GNMT: variants seen among roughly 807,000 people sequenced by gnomAD.
GNMT encodes the protein glycine N-methyltransferase.
GNMT carries 26 observed loss-of-function variants against 30.2 expected under a neutral mutation model. The observed-to-expected ratio is 0.86, with a 90% CI of 0.63 to 1.19. GNMT has a LOEUF of 1.19. Among genes scored for constraint, GNMT ranks in the 50% most tolerant of loss-of-function variants. The pLI is 0.00. For synonymous variants in GNMT, 163 were observed against 163.8 expected, an observed-to-expected ratio of 1.00 and a Z score of 0.04; for missense variants, 365 against 398.1, an observed-to-expected ratio of 0.92 and a Z score of 0.71.
chr6:42,961,555 T>C (rs1581747626), intron 1 of GNMT, among the ~76,000 whole-genome samples: 2 of 27,774 alleles, frequency 7.2e-5, no homozygotes, highest in African/African-American at 2.3e-3. Flanking sequence ...TTTCTCTTTT[T>C]TTTTTTTTTT....
At chr6:42,961,090 A>G in intron 1 of GNMT, 117 bp downstream of exon 1, 1 of 861,496 alleles carries the variant, frequency 1.2e-6, no homozygotes, top group Non-Finnish European at 1.7e-6. Context: ...CCAATCCTGG[A>G]ACGGGTGGGA....
At chr6:42,962,638 C>A in intron 2 of GNMT, 124 bp from the exon 3 acceptor site, 1 of 826,472 alleles carries the variant, frequency 1.2e-6, no homozygotes, top group East Asian at 2.4e-5. Flanking sequence ...TTTCTCCTCC[C>A]CCTAACTGAA....
Position 42,962,233 on chromosome 6 carries a change from G to C in GNMT, c.228G>C (p.Val76=). 1 of 1,614,124 alleles carries C rather than the reference G, an allele frequency of 6.2e-7. No homozygotes were observed. Among genetic ancestry groups the C allele is most frequent in the Non-Finnish European group, 8.5e-7 (1 of 1,180,012 alleles). Residue 76 remains valine, a synonymous_variant, in exon 2 of 6, where the codon GTG becomes GTC. Transcript: ENST00000372808. ...TCAGGGTGGACTCCATTATGCTGGT[G>C]GAAGAGGGCTTCAGTGTGACGAGTG... The part of the protein sequence containing the change: ...CGTGVDSIML[V]EEGFSVTSVD...
chr6:42,962,185 C>G (rs1346806463), intron 1 of GNMT, 27 bp from the exon 2 acceptor site: 1 of 1,613,890 alleles, frequency 6.2e-7, no homozygotes, highest in East Asian at 2.2e-5. Context: ...CTGCCTCTCT[C>G]TGCCTCTCCT....
Position 42,960,920 on chromosome 6 carries a change from G to A in GNMT, c.153G>A (p.Gly51=), listed in dbSNP as rs773871093. 1 of 1,564,414 alleles carries A rather than the reference G, an allele frequency of 6.4e-7. No homozygotes were observed. ...RTAEYKAWLL[G]LLRQHGCQRV... Reference sequence around the variant, plus strand: ...CCGAGTACAAGGCATGGCTGCTTGGGCTGCTGCGCCAGCACGGCTGCCAGC... The same window carrying A: ...CCGAGTACAAGGCATGGCTGCTTGGACTGCTGCGCCAGCACGGCTGCCAGC... The change falls in exon 1 of 6, where the codon GGG becomes GGA. Residue 51 remains glycine, a synonymous_variant. Coordinates refer to ENST00000372808, the MANE Select transcript of GNMT (RefSeq NM_018960.6).
At position 42,963,604 on chromosome 6, in the gene GNMT, A is replaced by C. The variant is rs746444570; in HGVS notation, c.786A>C (p.Gly262=). Residue 262 remains glycine, a synonymous_variant, in exon 6 of 6, where the codon GGA becomes GGC. Coordinates refer to ENST00000372808, the MANE Select transcript of GNMT (RefSeq NM_018960.6). ...CGGAGCTGCTCCAAGCAGCCTTCGG[A>C]GGTAAGTGCCAGCACAGCGTCCTGG... ...SFTELLQAAF[G]GKCQHSVLGD... 6.2e-7 allele frequency: 1 copy of C among 1,614,138 alleles called. No homozygotes were observed. Among genetic ancestry groups the C allele is most frequent in the South Asian group, 1.1e-5 (1 of 91,088 alleles).
chr6:42,962,924 C>T (rs1050024479), intron 3 of GNMT, 46 bp downstream of exon 3: 5 of 1,576,224 alleles, frequency 3.2e-6, no homozygotes, highest in Non-Finnish European at 4.4e-6. Flanking sequence ...CTTGAGGCCC[C>T]CTTCCACAGA....
intron 4 of GNMT, 37 bp downstream of exon 4, chr6:42,963,251 G>A: frequency 1.2e-5 from 15 of 1,216,756 alleles, no homozygotes; most frequent in Non-Finnish European, 1.7e-5. Context: ...GGTGGGGGTG[G>A]GGGTGGGGTG....
rs758814048 is a variant in GNMT, at chr6:42,962,848, AAC to A, written c.423_424del (p.Asn141LysfsTer14). ...CTTTGATGCTGTCATCTGCCTTGGA[AAC>A]AGTTTCGCTCACTTGCCAGACTGCA... ...GGFDAVICLG[N>X]SFAHLPDCKG... On this transcript the variant is annotated frameshift_variant, in exon 3 of 6. Transcript: ENST00000372808. LOFTEE classifies it high-confidence loss of function. 6.2e-7 allele frequency: 1 copy of A among 1,614,020 alleles called. No individual in the cohort carries two copies. The highest frequency in any genetic ancestry group is 8.5e-7 in the Non-Finnish European group (1 of 1,179,902).
chr6:42,963,188 C>G lies in GNMT; in HGVS notation c.568C>G (p.Pro190Ala). The change falls in exon 4 of 6, where the codon CCC becomes GCC. Residue 190 changes from proline to alanine, a missense_variant. Coordinates refer to ENST00000372808, the MANE Select transcript of GNMT (RefSeq NM_018960.6). ...YDHILSTGCA[P>A]PGKNIYYKSD... ...CCACATCCTCAGTACAGGCTGTGCA[C>G]CCCCAGGGAAGAACATCTACTATAA... 1 of 1,606,526 alleles carries G rather than the reference C, an allele frequency of 6.2e-7. No individual in the cohort carries two copies. Among genetic ancestry groups the G allele is most frequent in the Non-Finnish European group, 8.5e-7 (1 of 1,178,410 alleles).
intron 2 of GNMT, 39 bp downstream of exon 2, chr6:42,962,378 A>G (rs572545021): frequency 6.2e-7 from 1 of 1,611,646 alleles, no homozygotes; most frequent in South Asian, 1.1e-5. Flanking sequence ...CCCAGTCACC[A>G]GGAACACTGT....
At position 42,963,704 on chromosome 6, in the gene GNMT, T is replaced by A. The variant is rs780244954; in HGVS notation, c.886T>A (p.Ter296ArgextTer49). The A allele has an allele frequency of 3.1e-6, 5 of 1,613,976 alleles. No individual in the cohort carries two copies. In the South Asian group the frequency reaches 5.5e-5, roughly 18 times the overall value. ...YFIHVLKRTD[*>R] ...CATCCACGTGCTCAAGAGGACAGAC[T>A]GAGTGTGGCCTCAGCTCCCACAAGC... Residue 296 changes from the stop codon to arginine, a stop_lost, in exon 6 of 6, where the codon TGA becomes AGA. Coordinates refer to ENST00000372808, the MANE Select transcript of GNMT (RefSeq NM_018960.6).
In GNMT at chr6:42,963,555, A is replaced by G; in HGVS notation, c.737A>G (p.Tyr246Cys). 1 of 1,614,100 alleles carries G rather than the reference A, an allele frequency of 6.2e-7. No individual in the cohort carries two copies. Among genetic ancestry groups the G allele is most frequent in the Non-Finnish European group, 8.5e-7 (1 of 1,179,994 alleles). ...PGLSKFRLSY[Y>C]PHCLASFTEL... ...TACAGTAAGTTCCGGCTCTCCTACT[A>G]CCCACACTGTCTGGCATCCTTCACG... The change falls in exon 6 of 6, where the codon TAC (tyrosine) becomes TGC (cysteine). Residue 246 changes from tyrosine to cysteine, a missense_variant. Tyr to Cys is a radical substitution (Grantham distance 194). This residue lies in a region of GNMT where 232 missense variants were observed against 263.0 expected (regional missense o/e 0.88). Coordinates refer to ENST00000372808, the MANE Select transcript of GNMT (RefSeq NM_018960.6).
At position 42,963,639 on chromosome 6, in the gene GNMT, A is replaced by C; in HGVS notation, c.821A>C (p.Lys274Thr). ...CAGCACAGCGTCCTGGGCGACTTCA[A>C]GCCTTACAAGCCAGGCCAAACCTAC... ...KCQHSVLGDFKPYKPGQTYIP... is the reference protein window; with the variant it reads ...KCQHSVLGDFTPYKPGQTYIP... Residue 274 changes from lysine (K) to threonine (T), a missense_variant, in exon 6 of 6, where the codon AAG becomes ACG. Physicochemically the swap from Lys to Thr is moderately conservative, Grantham distance 78 (BLOSUM62 -1). Coordinates refer to ENST00000372808, the MANE Select transcript of GNMT (RefSeq NM_018960.6). 6.2e-7 allele frequency: 1 copy of C among 1,614,206 alleles called. No individual in the cohort carries two copies. The highest frequency in any genetic ancestry group is 8.5e-7 in the Non-Finnish European group (1 of 1,180,012).
rs1231641415 is a variant in GNMT at position 42,963,663 on chromosome 6, A to C, written c.845A>C (p.Tyr282Ser). 4 of 1,614,178 alleles carry C rather than the reference A, an allele frequency of 2.5e-6. No individual in the cohort carries two copies. The highest frequency in any genetic ancestry group is 1.6e-4 in the Middle Eastern group (1 of 6,062). Residue 282 changes from tyrosine to serine, a missense_variant, in exon 6 of 6, where the codon TAC (tyrosine) becomes TCC (serine). Tyr to Ser is a moderately radical substitution (Grantham distance 144). Around this residue, in one of 3 missense-constraint regions of GNMT, gnomAD observed 232 missense variants for 263.0 expected, o/e 0.88. Coordinates refer to ENST00000372808, the MANE Select transcript of GNMT (RefSeq NM_018960.6). The part of the protein sequence containing the change: ...DFKPYKPGQT[Y>S]IPCYFIHVLK... ...AAGCCTTACAAGCCAGGCCAAACCT[A>C]CATTCCCTGCTACTTCATCCACGTG...
intron 1 of GNMT, 64 bp from the exon 2 acceptor site, chr6:42,962,148 C>A (rs894451230): frequency 6.3e-6 from 10 of 1,597,762 alleles, no homozygotes; most frequent in Admixed American, 5.0e-5. Flanking sequence ...TGCAGGGTCT[C>A]CTCCTGGCCC....
intron 1 of GNMT, among the ~76,000 whole-genome samples, chr6:42,961,550 C>CTTTTTTTTTTTTTTTTTTTTTTTTT (rs575786265): frequency 7.7e-6 from 1 of 130,620 alleles, no homozygotes; most frequent in African/African-American, 2.8e-5. Context: ...CTATTTTTCT[C>CTTTTTTTTTTTTTTTTTTTTTTTTT]TTTTTTTTTT....
At position 42,963,161 on chromosome 6, in the gene GNMT, G is replaced by A. The variant is rs755100354; in HGVS notation, c.541G>A (p.Asp181Asn). 12 of 1,605,932 alleles carry A rather than the reference G, an allele frequency of 7.5e-6. No homozygotes were observed. The highest frequency in any genetic ancestry group is 4.1e-5 in the African/African-American group (3 of 73,246). The change falls in exon 4 of 6, where the codon GAC (aspartate) becomes AAC (asparagine). Residue 181 changes from aspartate (D) to asparagine (N), a missense_variant. This residue lies in a region of GNMT where 232 missense variants were observed against 263.0 expected (regional missense o/e 0.88). Transcript: ENST00000372808. ...GLLVIDHRNY[D>N]HILSTGCAPP... ...ACTGGTCATTGATCATCGCAACTAC[G>A]ACCACATCCTCAGTACAGGCTGTGC...
chr6:42,962,712 A>G, intron 2 of GNMT, 50 bp from the exon 3 acceptor site: 1 of 1,268,998 alleles, frequency 7.9e-7, no homozygotes, highest in Non-Finnish European at 1.2e-6. Context: ...GGTGGCTGCT[A>G]CTGGTACCAT....
Sources: allele counts gnomAD v4.1 joint callset (sites outside exome capture counted in the v4.1 genomes callset), GRCh38; gene constraint gnomAD v4.1.1; regional missense constraint gnomAD v4.1.1; transcripts MANE v1.5; gene names NCBI Gene and HGNC (gene_info 2026-07-23, HGNC 2026-07-21).